GIGYF2: variants seen among roughly 807,000 people sequenced by gnomAD.
GIGYF2 encodes the protein GRB10 interacting GYF protein 2, also known as GRB10-interacting GYF protein 2.
Under a neutral mutation model 208.1 loss-of-function variants are expected in GIGYF2, and 25 were observed. The ratio of observed to expected loss-of-function variants is 0.12; its 90% CI spans 0.09 to 0.17. The LOEUF is 0.17. Among genes scored for constraint, GIGYF2 ranks in the 10% least tolerant of loss-of-function variants. The pLI is 1.00. For missense variants in GIGYF2, 1,302 were observed against 1,579.4 expected (o/e 0.82, Z 2.98); for synonymous variants, 534 against 543.8 (o/e 0.98, Z 0.25).
chr2:232,782,099 G>A (rs961909897), intron 8 of GIGYF2, among the ~76,000 whole-genome samples: 8 of 152,132 alleles, frequency 5.3e-5, no homozygotes, highest in Non-Finnish European at 2.9e-5. Context: ...TTAATCCTGT[G>A]TCTCTAATTG....
At position 232,794,879 on chromosome 2, in the gene GIGYF2, G is replaced by C. The variant is rs756942387; in HGVS notation, c.1414G>C (p.Ala472Pro). 2 of 1,613,516 alleles carry C rather than the reference G, an allele frequency of 1.2e-6. No individual in the cohort carries two copies. The highest frequency in any genetic ancestry group is 1.7e-5 in the Admixed American group (1 of 59,994). ...GCCAGTTGAAACACCAGTTGTAGGTGCTCCTGGTATGGGCAGTGTTTCCAC... is the reference window on the plus strand; with the variant it reads ...GCCAGTTGAAACACCAGTTGTAGGTCCTCCTGGTATGGGCAGTGTTTCCAC... The part of the protein sequence containing the change: ...LRPVETPVVG[A>P]PGMGSVSTEP... Residue 472 changes from alanine (A) to proline (P), a missense_variant, in exon 13 of 29, where the codon GCT (alanine) becomes CCT (proline). Ala to Pro is a conservative substitution (Grantham distance 27, BLOSUM62 -1). Coordinates refer to ENST00000373563, the MANE Select transcript of GIGYF2 (RefSeq NM_001103146.3).
rs371374687 is a variant in GIGYF2 at position 232,844,414 on chromosome 2, A to G, written c.3145A>G (p.Ile1049Val). The part of the protein sequence containing the change: ...TSIGNSVWGS[I>V]NTGPPNQWAS... ...CATTGGGAATTCTGTTTGGGGCTCT[A>G]TAAATACTGGTCCTCCTAACCAGTG... is the stretch of plus-strand genomic sequence containing the variant. Residue 1049 changes from isoleucine to valine, a missense_variant, in exon 25 of 29, where the codon ATA becomes GTA. Transcript: ENST00000373563. The G allele has an allele frequency of 4.0e-5, 65 of 1,613,792 alleles. No individual in the cohort carries two copies. The highest frequency in any genetic ancestry group is 4.8e-5 in the Non-Finnish European group (57 of 1,179,772).
At chr2:232,787,801 T>C (rs1403805843) in intron 9 of GIGYF2, among the ~76,000 whole-genome samples, 1 of 152,230 alleles carries the variant, frequency 6.6e-6, no homozygotes, top group Non-Finnish European at 1.5e-5. Context: ...GCTTTAAACC[T>C]AGGTCAGAAA....
intron 2 of GIGYF2, among the ~76,000 whole-genome samples, chr2:232,706,743 G>A (rs750379910): frequency 1.4e-4 from 21 of 152,052 alleles, no homozygotes; most frequent in Non-Finnish European, 2.5e-4. Context: ...TTGAGCCACT[G>A]CACTCCAGCC....
rs1412691459 is a variant in GIGYF2 at position 232,810,812 on chromosome 2, A to G, written c.1899-432A>G. 2.6e-5 allele frequency: 5 copies of G among 194,434 alleles called. 1 individual carries two copies. The South Asian group carries it at 4.3e-4, about 17-fold the overall frequency. 12.0% of individuals were successfully genotyped at this position (194,434 alleles called of 1,614,324 possible). A position where few individuals can be genotyped will look rare whatever the true frequency, so the allele number is the denominator to read the frequency against. On this transcript the variant is annotated intron_variant, in intron 16 of 28. Coordinates refer to ENST00000373563, the MANE Select transcript of GIGYF2 (RefSeq NM_001103146.3). ...AAATTTTTCCAAGTTGAAGACGATC[A>G]ATGTATGAATTTTTATAGAAGTGTT...
chr2:232,815,856 C>G (rs1333933879), intron 19 of GIGYF2, 119 bp downstream of exon 19: 1 of 700,484 alleles, frequency 1.4e-6, no homozygotes, highest in African/African-American at 1.8e-5. Flanking sequence ...TGCTGCTTAG[C>G]TGGTATAAGT....
intron 2 of GIGYF2, among the ~76,000 whole-genome samples, chr2:232,704,262 C>G (rs577283971): frequency 5.9e-5 from 9 of 152,280 alleles, no homozygotes; most frequent in Admixed American, 2.6e-4. Flanking sequence ...TTCTAGCATT[C>G]TAGGAAAATG....
At chr2:232,840,015 G>A (rs368059926) in intron 23 of GIGYF2, 44 bp downstream of exon 23, 1 of 1,593,464 alleles carries the variant, frequency 6.3e-7, no homozygotes, top group Non-Finnish European at 8.6e-7. Context: ...CGATGTTCCA[G>A]AATATCTAGC....
chr2:232,775,414 C>G (rs533504057), intron 8 of GIGYF2, among the ~76,000 whole-genome samples: 2 of 152,290 alleles, frequency 1.3e-5, no homozygotes, highest in Admixed American at 6.5e-5. Flanking sequence ...CATATTTCCA[C>G]TTCCTACAAA....
chr2:232,850,539 A>T (rs1690272317), intron 28 of GIGYF2, 130 bp downstream of exon 28: 1 of 911,516 alleles, frequency 1.1e-6, no homozygotes, highest in Admixed American at 2.0e-5. Context: ...CTAATGTTTT[A>T]ACTGGTTCAA....
rs1442124240 is a variant in GIGYF2 at position 232,857,351 on chromosome 2, C to T, written c.*491C>T. The T allele has an allele frequency of 1.6e-5, 3 of 192,412 alleles. No homozygotes were observed. Among genetic ancestry groups the T allele is most frequent in the African/African-American group, 7.1e-5 (3 of 42,260 alleles). 11.9% of individuals were successfully genotyped at this position (192,412 alleles called of 1,614,324 possible). A position where few individuals can be genotyped will look rare whatever the true frequency, so the allele number is the denominator to read the frequency against. ...TAACAAAACACCCCATGGACTGTGA[C>T]TCGAGTATCCAACAGGCAGTCAGAG... On this transcript the variant is annotated 3_prime_UTR_variant, in exon 29 of 29. Coordinates refer to ENST00000373563, the MANE Select transcript of GIGYF2 (RefSeq NM_001103146.3).
At chr2:232,850,472 G>A in intron 28 of GIGYF2, 63 bp downstream of exon 28, 2 of 1,431,336 alleles carry the variant, frequency 1.4e-6, no homozygotes, top group Admixed American at 1.7e-5. Context: ...GTTATCCTGT[G>A]TGAGTTTCCA....
At chr2:232,785,551 A>G (rs1030890746) in intron 8 of GIGYF2, among the ~76,000 whole-genome samples, 4 of 152,186 alleles carry the variant, frequency 2.6e-5, no homozygotes, top group African/African-American at 9.7e-5. Context: ...TTAATATTTT[A>G]AGTGGCATCT....
At position 232,838,478 on chromosome 2, in the gene GIGYF2, C is replaced by T. The variant is rs1003743825; in HGVS notation, c.2767-1371C>T. 9.9e-5 allele frequency among the ~76,000 whole-genome samples: 15 copies of T among 152,276 alleles called. No homozygotes were observed. The South Asian group carries it at 1.0e-3, about 11-fold the overall frequency. ...CAGTGCTGGCTGAGTTCTGCTGAAG[C>T]GGGCTTGAAAGATTGTTTCCTGATT... On this transcript the variant is annotated intron_variant, in intron 22 of 28. Transcript: ENST00000373563.
chr2:232,712,435 C>G (rs551690745), intron 2 of GIGYF2, among the ~76,000 whole-genome samples: 2 of 152,208 alleles, frequency 1.3e-5, no homozygotes, highest in Admixed American at 1.3e-4. Context: ...CATGGGCATT[C>G]GTAATAAAAG....
At chr2:232,719,876 T>A (rs1696858861) in intron 2 of GIGYF2, among the ~76,000 whole-genome samples, 1 of 152,084 alleles carries the variant, frequency 6.6e-6, no homozygotes, top group African/African-American at 2.4e-5. Flanking sequence ...GGACAAAGTC[T>A]GAAAAAGCAG....
At chr2:232,778,963 A>G (rs953800530) in intron 8 of GIGYF2, among the ~76,000 whole-genome samples, 11 of 152,122 alleles carry the variant, frequency 7.2e-5, no homozygotes, top group African/African-American at 2.7e-4. Context: ...ATTTTTTGAG[A>G]TAAGGGGGCA....
At chr2:232,729,677 G>A in intron 2 of GIGYF2, 1 of 865,864 alleles carries the variant, frequency 1.2e-6, no homozygotes, top group East Asian at 2.4e-5. Flanking sequence ...AACTAGTTTA[G>A]ATGAGCCCCA....
chr2:232,783,595 C>T (rs989840718), intron 8 of GIGYF2, among the ~76,000 whole-genome samples: 1 of 152,058 alleles, frequency 6.6e-6, no homozygotes, highest in Non-Finnish European at 1.5e-5. Context: ...TCAGAAATTT[C>T]TATAAAGGAG....
Sources: allele counts gnomAD v4.1 joint callset (sites outside exome capture counted in the v4.1 genomes callset), GRCh38; gene constraint gnomAD v4.1.1; transcripts MANE v1.5; gene names NCBI Gene and HGNC (gene_info 2026-07-23, HGNC 2026-07-21).